Variants in DNAH3 observed in about 807,000 individuals in gnomAD.
The protein encoded by DNAH3 is dynein axonemal heavy chain 3.
In DNAH3, 332 loss-of-function variants were observed where a neutral mutation model predicts 432.5. That is an observed-to-expected ratio of 0.77 (90% CI 0.70 to 0.84). DNAH3 has a LOEUF of 0.84. DNAH3 is among the 40% of genes least tolerant of loss of function. The probability of loss-of-function intolerance (pLI) is 0.00; values close to 1 mark genes in which losing one functional copy is unlikely to be tolerated. For missense variants in DNAH3, 4,861 were observed against 5,114.0 expected, an observed-to-expected ratio of 0.95 and a Z score of 1.51; for synonymous variants, 1,956 against 1,900.2, an observed-to-expected ratio of 1.03 and a Z score of -0.76.
chr16:21,159,189 C>T (rs997651377), intron 1 of DNAH3: 186 of 886,408 alleles, frequency 2.1e-4, no homozygotes, highest in South Asian at 8.8e-4. Context: ...AGGTCCCCTT[C>T]CCCATCGCTG....
intron 58 of DNAH3, among the ~76,000 whole-genome samples, chr16:20,944,149 T>TA (rs201074315): frequency 3.9e-4 from 49 of 126,318 alleles, no homozygotes; most frequent in Non-Finnish European, 4.8e-4. Context: ...TCTTTTAAAT[T>TA]AAAAAAAAAA....
At chr16:21,113,358 C>G (rs778604677) in intron 12 of DNAH3, among the ~76,000 whole-genome samples, 2 of 152,188 alleles carry the variant, frequency 1.3e-5, no homozygotes, top group Non-Finnish European at 2.9e-5. Flanking sequence ...CTCATTATCT[C>G]TTCTGGCAAC....
At chr16:21,028,507 A>C (rs2088691713) in intron 37 of DNAH3, among the ~76,000 whole-genome samples, 1 of 124,742 alleles carries the variant, frequency 8.0e-6, no homozygotes, top group Admixed American at 7.7e-5. Context: ...CTAAAAGTAC[A>C]AAAAAAAAAA....
At chr16:20,963,194 C>T in intron 53 of DNAH3, 90 bp downstream of exon 53, 1 of 1,304,528 alleles carries the variant, frequency 7.7e-7, no homozygotes, top group Non-Finnish European at 1.1e-6. Context: ...GCCATCTGAA[C>T]TTGAGATCCC....
intron 18 of DNAH3, among the ~76,000 whole-genome samples, chr16:21,093,688 T>C (rs767120968): frequency 6.6e-6 from 1 of 152,184 alleles, no homozygotes; most frequent in Non-Finnish European, 1.5e-5. Flanking sequence ...TCTATAAAAA[T>C]ACAGTTGTCA....
At chr16:21,035,338 A>G (rs1045201192) in intron 35 of DNAH3, among the ~76,000 whole-genome samples, 2 of 152,172 alleles carry the variant, frequency 1.3e-5, no homozygotes, top group Non-Finnish European at 2.9e-5. Flanking sequence ...TAAAAAACGA[A>G]TAAGAGAGGA....
intron 21 of DNAH3, among the ~76,000 whole-genome samples, chr16:21,075,043 G>A (rs778828601): frequency 1.4e-4 from 21 of 152,128 alleles, no homozygotes; most frequent in South Asian, 4.1e-4. Flanking sequence ...ATCAGAACCC[G>A]CATTTCAACA....
At chr16:21,085,432 T>C (rs2091332402) in intron 19 of DNAH3, among the ~76,000 whole-genome samples, 1 of 145,518 alleles carries the variant, frequency 6.9e-6, no homozygotes, top group Non-Finnish European at 1.5e-5. Flanking sequence ...CAATCCCAGC[T>C]ACTCAGGAGA....
chr16:21,066,779 G>A (rs2090566604), intron 24 of DNAH3, among the ~76,000 whole-genome samples: 1 of 152,090 alleles, frequency 6.6e-6, no homozygotes, highest in Non-Finnish European at 1.5e-5. Context: ...AAATTTGATG[G>A]TATAAAAAAA....
intron 48 of DNAH3, 55 bp from the exon 49 acceptor site, chr16:20,982,941 G>A (rs139243264): frequency 3.1e-6 from 5 of 1,602,756 alleles, no homozygotes; most frequent in Admixed American, 1.7e-5. Flanking sequence ...TGGACCCAAG[G>A]AGGCAGGCGG....
chr16:20,936,965 A>C, intron 59 of DNAH3, 112 bp from the exon 60 acceptor site: 1 of 803,134 alleles, frequency 1.2e-6, no homozygotes, highest in South Asian at 1.8e-5. Context: ...ACAGTCATTA[A>C]ATGAGGAAAA....
At chr16:21,039,175 CT>C (rs1284134703) in intron 33 of DNAH3, among the ~76,000 whole-genome samples, 1 of 143,974 alleles carries the variant, frequency 6.9e-6, no homozygotes, top group Non-Finnish European at 1.5e-5. Flanking sequence ...AATTTTTCCT[CT>C]TCAATTCTGG....
intron 3 of DNAH3, among the ~76,000 whole-genome samples, chr16:21,141,761 G>A (rs550721013): frequency 1.1e-3 from 164 of 152,304 alleles, no homozygotes; most frequent in South Asian, 5.4e-3. Context: ...TTTAAACTTA[G>A]TACATTTGGC....
exon 25 of DNAH3, chr16:21,062,642 G>A: frequency 6.2e-7 from 1 of 1,613,946 alleles, no homozygotes; most frequent in South Asian, 1.1e-5. Context: ...CTTTGTCTCG[G>A]ACAAGATTTC....
At chr16:20,973,585 T>C (rs2085443100) in intron 51 of DNAH3, among the ~76,000 whole-genome samples, 1 of 152,218 alleles carries the variant, frequency 6.6e-6, no homozygotes, top group Admixed American at 6.5e-5. Context: ...AAAGTAGTTG[T>C]AATGCTCAAA....
intron 29 of DNAH3, among the ~76,000 whole-genome samples, chr16:21,051,078 G>A (rs2089934770): frequency 6.6e-6 from 1 of 152,186 alleles, no homozygotes; most frequent in African/African-American, 2.4e-5. Flanking sequence ...TAAAAAACAA[G>A]TGGTTGAGGA....
At chr16:21,040,000 G>T in intron 32 of DNAH3, 57 bp from the exon 33 acceptor site, 1 of 1,382,024 alleles carries the variant, frequency 7.2e-7, no homozygotes, top group Non-Finnish European at 1.0e-6. Context: ...CTGAGGGAAC[G>T]CACATTCACA....
chr16:20,980,170 A>AT lies in DNAH3; in HGVS notation c.7860-625_7860-624insA, dbSNP rs1555516901. 4.5e-3 allele frequency among the ~76,000 whole-genome samples: 607 copies of AT among 133,626 alleles called. 3 individuals are homozygous for AT. The highest frequency in any genetic ancestry group is 0.017 in the African/African-American group (571 of 33,862). The allele number at this position is 133,626 out of a possible 152,430, so 87.7% of individuals were successfully genotyped here. ...TATTCCCTGACTTTGTAGAAAAAAA[A>AT]ATATATATATATATATATAATTTTA... On this transcript the variant is annotated intron_variant, in intron 49 of 61. Transcript: ENST00000261383.
At chr16:21,089,468 A>C (rs981217153) in intron 18 of DNAH3, among the ~76,000 whole-genome samples, 25 of 151,952 alleles carry the variant, frequency 1.6e-4, no homozygotes, top group African/African-American at 5.8e-4. Flanking sequence ...CTGAGTCATA[A>C]AACAAACCTC....
Sources: allele counts gnomAD v4.1 joint callset (sites outside exome capture counted in the v4.1 genomes callset), GRCh38; gene constraint gnomAD v4.1.1; transcripts MANE v1.5; gene names NCBI Gene and HGNC (gene_info 2026-07-23, HGNC 2026-07-21).